SOX13: variants seen among roughly 807,000 people sequenced by gnomAD.
SOX13 encodes the protein transcription factor SOX-13.
Under a neutral mutation model 71.8 loss-of-function variants are expected in SOX13, and 28 were observed. The ratio of observed to expected loss-of-function variants is 0.39; its 90% CI spans 0.29 to 0.53. The LOEUF (loss-of-function observed/expected upper bound fraction) is 0.53, where lower values mean the gene tolerates loss of function less well. SOX13 is among the 20% of genes least tolerant of loss of function. SOX13 has a pLI of 0.70. For missense variants in SOX13, 627 were observed against 810.3 expected (o/e 0.77, Z 2.75); for synonymous variants, 309 against 317.8 (o/e 0.97, Z 0.29).
At chr1:204,085,380 G>A (rs112769225) in intron 1 of SOX13, among the ~76,000 whole-genome samples, 2,105 of 152,294 alleles carry the variant, frequency 0.014, 64 homozygotes, top group African/African-American at 0.048. Flanking sequence ...AAAACTGCCC[G>A]ACATATAGTA....
chr1:204,117,830 C>A lies in SOX13; in HGVS notation c.775+123C>A. 4.6e-6 allele frequency: 3 copies of A among 658,228 alleles called. No individual in the cohort carries two copies. The South Asian group carries it at 5.3e-5, about 12-fold the overall frequency. The allele number at this position is 658,228 out of a possible 1,614,324, so 40.8% of individuals were successfully genotyped here. On this transcript the variant is annotated intron_variant, in intron 7 of 13. Transcript: ENST00000367204. ...GACTTTCTGGGCCTCAGTTTTGGAT[C>A]TGTCTGGTAGAAGAATCATCCTCTT...
At chr1:204,077,369 G>A (rs1464969421) in intron 1 of SOX13, among the ~76,000 whole-genome samples, 1 of 152,184 alleles carries the variant, frequency 6.6e-6, no homozygotes, top group Non-Finnish European at 1.5e-5. Context: ...GATTATTTGG[G>A]ACACAAGAAA....
At chr1:204,074,143 A>G (rs1352235102) in intron 1 of SOX13, 1 of 152,162 alleles carries the variant, frequency 6.6e-6, no homozygotes, top group African/African-American at 2.4e-5. Flanking sequence ...GGGAAGCCGA[A>G]GCGACCTGCG....
chr1:204,088,044 T>A (rs1656060769), intron 1 of SOX13, among the ~76,000 whole-genome samples: 2 of 152,222 alleles, frequency 1.3e-5, no homozygotes, highest in Admixed American at 1.3e-4. Context: ...CCTCCTGCCC[T>A]GGCATCTTGC....
intron 1 of SOX13, among the ~76,000 whole-genome samples, chr1:204,090,130 G>T (rs928814727): frequency 6.6e-6 from 1 of 152,144 alleles, no homozygotes; most frequent in African/African-American, 2.4e-5. Flanking sequence ...TTCAAGCTGG[G>T]TGCCATTGGA....
chr1:204,123,294 T>C lies in SOX13; in HGVS notation c.1231+86T>C. The C allele has an allele frequency of 1.8e-6, 2 of 1,083,746 alleles. No individual in the cohort carries two copies. Among genetic ancestry groups the C allele is most frequent in the South Asian group, 1.3e-5 (1 of 79,158 alleles). The allele number at this position is 1,083,746 out of a possible 1,614,324, so 67.1% of individuals were successfully genotyped here. A position where few individuals can be genotyped will look rare whatever the true frequency, so the allele number is the denominator to read the frequency against. On this transcript the variant is annotated intron_variant, in intron 11 of 13. Coordinates refer to ENST00000367204, the MANE Select transcript of SOX13 (RefSeq NM_005686.3). This position sits in a 1 kb window ranked among gnomAD's most constrained non-coding sequence, Gnocchi z 5.0. ...CAGGGCTGTGTCTGCCTCTGATCTCTTCCCTCCCTTGGTCTGTTGGGTCCT... is the reference window on the plus strand; with the variant it reads ...CAGGGCTGTGTCTGCCTCTGATCTCCTCCCTCCCTTGGTCTGTTGGGTCCT...
chr1:204,102,637 G>A (rs944023638), intron 1 of SOX13, among the ~76,000 whole-genome samples: 4 of 151,326 alleles, frequency 2.6e-5, no homozygotes, highest in Non-Finnish European at 5.9e-5. Context: ...GGAGGAAGAG[G>A]GTGGCGGGCC....
chr1:204,081,078 A>AT lies in SOX13; in HGVS notation c.-2+7373dup, dbSNP rs1655896693. On this transcript the variant is annotated intron_variant, in intron 1 of 13. Transcript: ENST00000367204. The surrounding 1 kb of genome is among the most constrained non-coding windows in gnomAD (Gnocchi z 4.3). ...AGGCATGCGCGACCATGCCTGGCTA[A>AT]TTTTTTGTATTTTTAGTAGAGACGG... 6.6e-6 allele frequency among the ~76,000 whole-genome samples: 1 copy of AT among 151,650 alleles called. No individual in the cohort carries two copies. Among genetic ancestry groups the AT allele is most frequent in the Admixed American group, 6.6e-5 (1 of 15,234 alleles).
chr1:204,112,395 C>T (rs2004146), intron 1 of SOX13, among the ~76,000 whole-genome samples: 47,171 of 150,936 alleles, frequency 0.31, 8,000 homozygotes, highest in East Asian at 0.58. Context: ...GAGCCGAGAT[C>T]GTGCCCTTGC....
intron 1 of SOX13, among the ~76,000 whole-genome samples, chr1:204,103,906 A>G (rs552039327): frequency 2.6e-5 from 4 of 152,276 alleles, no homozygotes; most frequent in African/African-American, 9.6e-5. Context: ...GGCACACATC[A>G]CACTGGGAGC....
intron 1 of SOX13, among the ~76,000 whole-genome samples, chr1:204,096,119 G>A (rs1656245511): frequency 6.6e-6 from 1 of 151,908 alleles, no homozygotes. Context: ...GAGTAATATT[G>A]CTATGAGTTT....
chr1:204,094,305 G>A (rs1251327484), intron 1 of SOX13, among the ~76,000 whole-genome samples: 2 of 152,184 alleles, frequency 1.3e-5, no homozygotes, highest in Non-Finnish European at 2.9e-5. Context: ...TCTTTCCACC[G>A]CACACGCAGA....
In SOX13 at chr1:204,117,194, A is replaced by G. The variant is rs1178142797; in HGVS notation, c.660+4A>G. 5.0e-6 allele frequency: 8 copies of G among 1,613,632 alleles called. No homozygotes were observed. In the East Asian group the frequency reaches 1.1e-4, roughly 22 times the overall value. On this transcript the variant is annotated splice_donor_region_variant and intron_variant, in intron 6 of 13. Coordinates refer to ENST00000367204, the MANE Select transcript of SOX13 (RefSeq NM_005686.3). ...CCTCCTTCAGCAGCAGATCCAGGTA[A>G]CCGGAGGGGAGACCCGGAGAGGCAC...
intron 1 of SOX13, among the ~76,000 whole-genome samples, chr1:204,082,996 A>C (rs753448002): frequency 1.3e-5 from 2 of 152,208 alleles, no homozygotes; most frequent in Non-Finnish European, 2.9e-5. Flanking sequence ...TTTGGTTTTC[A>C]TAATGTAAAT....
intron 1 of SOX13, among the ~76,000 whole-genome samples, chr1:204,104,718 A>G (rs573499444): frequency 6.6e-6 from 1 of 152,322 alleles, no homozygotes; most frequent in East Asian, 1.9e-4. Context: ...GGGGAAGTGT[A>G]GCCATTGGCC....
intron 1 of SOX13, among the ~76,000 whole-genome samples, chr1:204,083,457 CCT>C (rs1055566649): frequency 9.8e-5 from 15 of 152,296 alleles, no homozygotes; most frequent in Middle Eastern, 3.4e-3. Flanking sequence ...TCCCTGCCTT[CCT>C]CTCTCTATCT....
intron 1 of SOX13, among the ~76,000 whole-genome samples, chr1:204,101,533 TG>T (rs1235982086): frequency 7.0e-6 from 1 of 143,312 alleles, no homozygotes. Context: ...CAGGAGGCCT[TG>T]GAAACATACT....
intron 12 of SOX13, among the ~76,000 whole-genome samples, chr1:204,124,261 C>T (rs769931018): frequency 6.6e-6 from 1 of 152,182 alleles, no homozygotes; most frequent in African/African-American, 2.4e-5. Context: ...CCAGTGTCAG[C>T]GCAGGACTCT....
Position 204,081,101 on chromosome 1 carries a change from C to T in SOX13, c.-2+7390C>T, listed in dbSNP as rs1655897037. Among the ~76,000 whole-genome samples, 1 of 151,824 alleles carries T rather than the reference C, an allele frequency of 6.6e-6. No individual in the cohort carries two copies. The highest frequency in any genetic ancestry group is 1.5e-5 in the Non-Finnish European group (1 of 67,958). On this transcript the variant is annotated intron_variant, in intron 1 of 13. Coordinates refer to ENST00000367204, the MANE Select transcript of SOX13 (RefSeq NM_005686.3). This position sits in a 1 kb window ranked among gnomAD's most constrained non-coding sequence, Gnocchi z 4.3. ...TAATTTTTTGTATTTTTAGTAGAGA[C>T]GGGATTTCTCCATGTTGGTTAGGCT...
Sources: gnomAD v4.1 joint callset for allele counts (sites outside exome capture counted in the v4.1 genomes callset) on GRCh38, gnomAD v4.1.1 for gene constraint, Gnocchi (gnomAD v3.1) non-coding constraint, MANE v1.5 for transcripts, NCBI Gene and HGNC (gene_info 2026-07-23, HGNC 2026-07-21) for gene names.